FAM163A: variants seen among roughly 807,000 people sequenced by gnomAD.
FAM163A encodes the protein family with sequence similarity 163 member A, also known as protein FAM163A.
A neutral mutation model predicts 12.0 loss-of-function variants in FAM163A; 7 were observed. That is an observed-to-expected ratio of 0.58 (90% CI 0.33 to 1.10). FAM163A has a LOEUF of 1.10. Among genes scored for constraint, FAM163A ranks in the 50% least tolerant of loss-of-function variants. The pLI, the probability that FAM163A is intolerant of heterozygous loss-of-function variation, is 0.03. For synonymous variants in FAM163A, 101 were observed against 91.0 expected (o/e 1.11, Z -0.62); for missense variants, 202 against 218.6 (o/e 0.92, Z 0.48).
chr1:179,798,060 T>C (rs1325932630), intron 1 of FAM163A, among the ~76,000 whole-genome samples: 1 of 151,980 alleles, frequency 6.6e-6, no homozygotes, highest in Non-Finnish European at 1.5e-5. Context: ...CGAAACTCCG[T>C]CTCTACTAAA....
intron 1 of FAM163A, among the ~76,000 whole-genome samples, chr1:179,800,751 G>A (rs1693053758): frequency 6.6e-6 from 1 of 152,214 alleles, no homozygotes; most frequent in Non-Finnish European, 1.5e-5. Context: ...GAATAACAGA[G>A]TTTCCACAAG....
chr1:179,773,877 G>A (rs979052055), intron 1 of FAM163A, among the ~76,000 whole-genome samples: 26 of 152,186 alleles, frequency 1.7e-4, no homozygotes, highest in African/African-American at 5.3e-4. Flanking sequence ...AGAAAGCACC[G>A]GTATTCGCAG....
chr1:179,755,055 T>C (rs1187001585), intron 1 of FAM163A, among the ~76,000 whole-genome samples: 1 of 151,128 alleles, frequency 6.6e-6, no homozygotes, highest in East Asian at 1.9e-4. Context: ...GAGAATTGCT[T>C]GAACCCAGGA....
At chr1:179,750,764 A>G (rs530344632) in intron 1 of FAM163A, among the ~76,000 whole-genome samples, 2 of 152,212 alleles carry the variant, frequency 1.3e-5, no homozygotes, top group African/African-American at 4.8e-5. Context: ...GTATAATTGA[A>G]CAGTTTATTT....
rs1193983576 is a variant in FAM163A, at chr1:179,809,047, C to T, written c.-45+1159C>T. ...GCTTGGGCCCTGGAAGTTGAGGCTG[C>T]AGTGAGCCGAGATTGCAGCACTACA... On this transcript the variant is annotated intron_variant, in intron 2 of 4. Coordinates refer to ENST00000341785, the MANE Select transcript of FAM163A (RefSeq NM_173509.3). Among the ~76,000 whole-genome samples the T allele has an allele frequency of 3.3e-5, 5 of 152,032 alleles. No individual in the cohort carries two copies. The East Asian group carries it at 5.8e-4, about 18-fold the overall frequency.
intron 1 of FAM163A, among the ~76,000 whole-genome samples, chr1:179,803,568 T>A (rs1571562986): frequency 6.6e-6 from 1 of 152,128 alleles, no homozygotes; most frequent in South Asian, 2.1e-4. Flanking sequence ...CCCCCATTTT[T>A]TTTTTATTTT....
chr1:179,793,872 C>T (rs1039420834), intron 1 of FAM163A, among the ~76,000 whole-genome samples: 1 of 152,176 alleles, frequency 6.6e-6, no homozygotes, highest in African/African-American at 2.4e-5. Context: ...CGGCCCAGGG[C>T]TCTCTGACTT....
upstream of FAM163A, among the ~76,000 whole-genome samples, chr1:179,738,547 C>G (rs967081284): frequency 6.6e-6 from 1 of 151,980 alleles, no homozygotes; most frequent in South Asian, 2.1e-4. Flanking sequence ...TCCAGGAATG[C>G]AAAGCTGGTT....
chr1:179,779,182 C>T (rs913941568), intron 1 of FAM163A, among the ~76,000 whole-genome samples: 1 of 152,126 alleles, frequency 6.6e-6, no homozygotes, highest in African/African-American at 2.4e-5. Context: ...TTTATCTTTA[C>T]CAATATTTAT....
intron 1 of FAM163A, among the ~76,000 whole-genome samples, chr1:179,789,095 TA>T (rs562258399): frequency 7.2e-4 from 110 of 152,380 alleles, no homozygotes; most frequent in African/African-American, 2.5e-3. Context: ...GGTCAGCCAT[TA>T]AAAACACAAC....
chr1:179,791,319 C>G (rs749689609), intron 1 of FAM163A, among the ~76,000 whole-genome samples: 9 of 152,144 alleles, frequency 5.9e-5, no homozygotes, highest in Non-Finnish European at 1.2e-4. Context: ...CCTGTGCCCT[C>G]CCTTCTAGAC....
chr1:179,734,343 C>G, the FAM163A span, among the ~76,000 whole-genome samples: 1 of 152,166 alleles, frequency 6.6e-6, no homozygotes, highest in Non-Finnish European at 1.5e-5. Flanking sequence ...TACTTGACAT[C>G]TTTAAAAAGA....
rs540070413 is a variant in FAM163A, at chr1:179,753,085, C to G, written c.-136+9662C>G. Among the ~76,000 whole-genome samples, 194 of 152,246 alleles carry G rather than the reference C, an allele frequency of 1.3e-3. 2 individuals carry two copies. In the Middle Eastern group the frequency reaches 0.017, roughly 13 times the overall value. The stretch of plus-strand genomic sequence containing the variant: ...ACACCACATTTTTAAAAAATCCATG[C>G]ATAGTGGATTTAATGTGGTGTATAC... On this transcript the variant is annotated intron_variant, in intron 1 of 4. Coordinates refer to ENST00000341785, the MANE Select transcript of FAM163A (RefSeq NM_173509.3).
chr1:179,780,733 A>G (rs1689606930), intron 1 of FAM163A, among the ~76,000 whole-genome samples: 1 of 152,220 alleles, frequency 6.6e-6, no homozygotes, highest in Admixed American at 6.5e-5. Flanking sequence ...GACAGTTTGC[A>G]TTAACTGTCT....
chr1:179,744,092 C>A (rs1684069949), intron 1 of FAM163A, among the ~76,000 whole-genome samples: 1 of 152,100 alleles, frequency 6.6e-6, no homozygotes, highest in South Asian at 2.1e-4. Context: ...GGGCGAAGTG[C>A]CTTCGCGGCG....
At chr1:179,731,426 G>T in the FAM163A span, among the ~76,000 whole-genome samples, 1 of 152,188 alleles carries the variant, frequency 6.6e-6, no homozygotes, top group Non-Finnish European at 1.5e-5. Context: ...TCAGTACAAG[G>T]ATTTAGCGTT....
At chr1:179,775,767 G>C (rs1688871691) in intron 1 of FAM163A, among the ~76,000 whole-genome samples, 1 of 152,226 alleles carries the variant, frequency 6.6e-6, no homozygotes, top group South Asian at 2.1e-4. Flanking sequence ...AGTGTGGACA[G>C]ATGCCCGCAG....
chr1:179,800,394 G>A (rs1480285247), intron 1 of FAM163A, among the ~76,000 whole-genome samples: 1 of 152,238 alleles, frequency 6.6e-6, no homozygotes, highest in Non-Finnish European at 1.5e-5. Context: ...ACAGCCCTTG[G>A]CTGGGAGGAG....
intron 1 of FAM163A, among the ~76,000 whole-genome samples, chr1:179,796,378 A>G (rs1452069000): frequency 3.3e-5 from 5 of 152,176 alleles, no homozygotes; most frequent in Non-Finnish European, 7.3e-5. Flanking sequence ...ATTTAAAGAG[A>G]CTCAAATCTG....
Sources: allele counts gnomAD v4.1 joint callset (sites outside exome capture counted in the v4.1 genomes callset), GRCh38; gene constraint gnomAD v4.1.1; transcripts MANE v1.5; gene names NCBI Gene and HGNC (gene_info 2026-07-23, HGNC 2026-07-21).